Variants in PPARG observed in about 807,000 individuals in gnomAD.
PPARG encodes the protein peroxisome proliferator-activated receptor gamma.
In PPARG, 17 loss-of-function variants were observed where a neutral mutation model predicts 39.2. The observed-to-expected ratio is 0.43, with a 90% CI of 0.30 to 0.65. PPARG has a LOEUF of 0.65. Ranked by LOEUF, PPARG falls within the 30% of genes least tolerant of loss-of-function variation. The pLI is 0.13. For synonymous variants in PPARG, 223 were observed against 215.7 expected, an observed-to-expected ratio of 1.03 and a Z score of -0.30; for missense variants, 406 against 585.9, an observed-to-expected ratio of 0.69 and a Z score of 3.17.
chr3:12,346,782 A>G (rs1265390326), intron 2 of PPARG, among the ~76,000 whole-genome samples: 1 of 151,648 alleles, frequency 6.6e-6, no homozygotes, highest in Non-Finnish European at 1.5e-5. Flanking sequence ...CTACAGGTAC[A>G]TGCCACCATG....
At chr3:12,388,323 G>T in intron 4 of PPARG, among the ~76,000 whole-genome samples, 1 of 152,100 alleles carries the variant, frequency 6.6e-6, no homozygotes, top group East Asian at 1.9e-4. Flanking sequence ...GAAACAAAAT[G>T]AAACAAACAT....
chr3:12,368,829 G>A (rs150535373), intron 2 of PPARG, among the ~76,000 whole-genome samples: 1,629 of 152,242 alleles, frequency 0.011, 13 homozygotes, highest in Non-Finnish European at 0.015. Flanking sequence ...GAGTCAAAAG[G>A]AGAGCCATTT....
chr3:12,293,576 C>T (rs767639508), intron 1 of PPARG, among the ~76,000 whole-genome samples: 1 of 152,064 alleles, frequency 6.6e-6, no homozygotes, highest in Non-Finnish European at 1.5e-5. Context: ...ATGCTCAACT[C>T]CCACAGTCAG....
At chr3:12,321,478 A>G (rs1234391231) in intron 2 of PPARG, among the ~76,000 whole-genome samples, 7 of 152,212 alleles carry the variant, frequency 4.6e-5, no homozygotes, top group African/African-American at 9.6e-5. Context: ...ATCTTTCTGT[A>G]TAGGAACCTA....
chr3:12,410,146 C>T (rs1300442212), intron 6 of PPARG, among the ~76,000 whole-genome samples: 3 of 152,190 alleles, frequency 2.0e-5, no homozygotes, highest in South Asian at 2.1e-4. Flanking sequence ...ACCTTTCAAC[C>T]GCCCTCAATA....
At chr3:12,299,421 C>A (rs2046873141) in intron 1 of PPARG, among the ~76,000 whole-genome samples, 1 of 152,088 alleles carries the variant, frequency 6.6e-6, no homozygotes, top group African/African-American at 2.4e-5. Context: ...GAAAGAAAAT[C>A]TGTATCCTTG....
Position 12,388,076 on chromosome 3 carries a change from A to G in PPARG, c.391-4538A>G, listed in dbSNP as rs560027117. 3.0e-4 allele frequency among the ~76,000 whole-genome samples: 46 copies of G among 152,326 alleles called. No homozygotes were observed. In the South Asian group the frequency reaches 9.5e-3, roughly 32 times the overall value. On this transcript the variant is annotated intron_variant, in intron 4 of 7. Transcript: ENST00000651735. Reference sequence around the variant, plus strand: ...GAGAAGTCAAGGAATATCATAAAATATCTATGATCACAATGGCAAACATCA... The same window carrying G: ...GAGAAGTCAAGGAATATCATAAAATGTCTATGATCACAATGGCAAACATCA...
chr3:12,397,144 T>G (rs1231510897), intron 5 of PPARG, among the ~76,000 whole-genome samples: 3 of 151,960 alleles, frequency 2.0e-5, no homozygotes, highest in Non-Finnish European at 2.9e-5. Flanking sequence ...CTAGGATGTC[T>G]TATTATATAA....
chr3:12,403,225 C>T (rs1355014668), intron 5 of PPARG, among the ~76,000 whole-genome samples: 6 of 148,094 alleles, frequency 4.1e-5, no homozygotes, highest in Non-Finnish European at 7.4e-5. Context: ...CCCAGGAGGT[C>T]GAGGCTGCAG....
intron 5 of PPARG, among the ~76,000 whole-genome samples, chr3:12,398,164 C>CAA (rs543541979): frequency 7.3e-4 from 101 of 137,732 alleles, no homozygotes; most frequent in African/African-American, 1.5e-3. Context: ...TACATATTAC[C>CAA]AAAAAAAAAA....
chr3:12,409,035 G>A (rs527296214), intron 6 of PPARG, among the ~76,000 whole-genome samples: 16 of 152,298 alleles, frequency 1.1e-4, no homozygotes, highest in East Asian at 1.9e-4. Flanking sequence ...AGAGGGCTGC[G>A]AAATGCTTGA....
At chr3:12,403,292 CAAAA>C (rs35403303) in intron 5 of PPARG, among the ~76,000 whole-genome samples, 2 of 136,136 alleles carry the variant, frequency 1.5e-5, no homozygotes. Context: ...GACCCTGTCT[CAAAA>C]AAAAAAAAAA....
intron 6 of PPARG, among the ~76,000 whole-genome samples, chr3:12,413,871 T>A (rs2050969288): frequency 1.3e-5 from 2 of 151,936 alleles, no homozygotes; most frequent in Admixed American, 1.3e-4. Context: ...GGGTGCTGAT[T>A]CCTCTCTCTG....
rs148403794 is a variant in PPARG at position 12,290,810 on chromosome 3, A to G, written c.-83+1676A>G. On this transcript the variant is annotated intron_variant, in intron 1 of 7. Coordinates refer to ENST00000651735, the MANE Select transcript of PPARG (RefSeq NM_138711.6). Reference sequence around the variant, plus strand: ...AACCGTGGAACATATACAAGTATTAATAATACATTTCATTTAGTTTTCAGG... The same window carrying G: ...AACCGTGGAACATATACAAGTATTAGTAATACATTTCATTTAGTTTTCAGG... Among the ~76,000 whole-genome samples, 606 of 152,318 alleles carry G rather than the reference A, an allele frequency of 4.0e-3. 4 individuals are homozygous for G. The highest frequency in any genetic ancestry group is 0.024 in the Middle Eastern group (7 of 294).
chr3:12,292,285 T>A (rs1032979495), intron 1 of PPARG, among the ~76,000 whole-genome samples: 1 of 152,226 alleles, frequency 6.6e-6, no homozygotes, highest in Non-Finnish European at 1.5e-5. Flanking sequence ...ATACATCCGA[T>A]GCATCTAGAA....
At chr3:12,412,068 A>G (rs2050897185) in intron 6 of PPARG, among the ~76,000 whole-genome samples, 1 of 152,216 alleles carries the variant, frequency 6.6e-6, no homozygotes, top group South Asian at 2.1e-4. Flanking sequence ...GACTACACTC[A>G]TTCAATCTGC....
chr3:12,385,436 G>T (rs1383111081), intron 4 of PPARG, among the ~76,000 whole-genome samples: 1 of 152,004 alleles, frequency 6.6e-6, no homozygotes, highest in Non-Finnish European at 1.5e-5. Context: ...CAGATTCTTG[G>T]GTATGTTAAT....
At chr3:12,374,756 A>C (rs995737447) in intron 2 of PPARG, among the ~76,000 whole-genome samples, 1 of 152,012 alleles carries the variant, frequency 6.6e-6, no homozygotes, top group African/African-American at 2.4e-5. Flanking sequence ...ATAGGGGAAA[A>C]CCATGCTTTG....
intron 4 of PPARG, among the ~76,000 whole-genome samples, chr3:12,389,359 C>T (rs1023852743): frequency 6.6e-6 from 1 of 151,912 alleles, no homozygotes; most frequent in African/African-American, 2.4e-5. Context: ...CATGTGAAGC[C>T]GTAATGCATA....
Sources: gnomAD v4.1 joint callset for allele counts (sites outside exome capture counted in the v4.1 genomes callset) on GRCh38, gnomAD v4.1.1 for gene constraint, MANE v1.5 for transcripts, NCBI Gene and HGNC (gene_info 2026-07-23, HGNC 2026-07-21) for gene names.